Variants in RBP5 observed in about 807,000 individuals in gnomAD.
RBP5 encodes retinol binding protein 5, also known as retinol-binding protein 5.
RBP5 carries 12 observed loss-of-function variants against 17.8 expected under a neutral mutation model. That is an observed-to-expected ratio of 0.67 (90% CI 0.43 to 1.09). The LOEUF is 1.09. Ranked by LOEUF, RBP5 falls within the 50% of genes least tolerant of loss-of-function variation. The pLI is 0.00. For missense variants in RBP5, 172 were observed against 169.4 expected, an observed-to-expected ratio of 1.02 and a Z score of -0.09; for synonymous variants, 64 against 68.1, an observed-to-expected ratio of 0.94 and a Z score of 0.30.
chr12:7,121,263 A>G (rs1366381620), downstream of RBP5, among the ~76,000 whole-genome samples: 1 of 152,060 alleles, frequency 6.6e-6, no homozygotes, highest in East Asian at 1.9e-4. Flanking sequence ...AGGGAGTGAC[A>G]TTAGGGTGGG....
rs1280796558 is a variant in RBP5 at position 7,117,962 on chromosome 12, A to G, written n.890-655T>C. ...GCCAATAGCAGGGTGCGTCTGTTAC[A>G]TACTGGACTATCCCTTCCTTCAATA... On this transcript the variant is annotated intron_variant and non_coding_transcript_variant, in intron 3 of 3. Coordinates refer to the RBP5 transcript ENST00000619522. The surrounding 1 kb of genome is among the most constrained non-coding windows in gnomAD (Gnocchi z 4.9). The G allele has an allele frequency of 9.2e-5, 14 of 152,232 alleles. No individual in the cohort carries two copies. Among genetic ancestry groups the G allele is most frequent in the Non-Finnish European group, 2.1e-4 (14 of 68,048 alleles). 9.4% of individuals were successfully genotyped at this position (152,232 alleles called of 1,614,324 possible). A position where few individuals can be genotyped will look rare whatever the true frequency, so the allele number is the denominator to read the frequency against.
rs1474244765 is a variant in RBP5 at position 7,117,799 on chromosome 12, A to G, written n.890-492T>C. 6.6e-6 allele frequency: 1 copy of G among 152,200 alleles called. No homozygotes were observed. Among genetic ancestry groups the G allele is most frequent in the African/African-American group, 2.4e-5 (1 of 41,448 alleles). The allele number at this position is 152,200 out of a possible 1,614,324, so 9.4% of individuals were successfully genotyped here. ...GGTCTCCATCAGCAGATTGCCCAAC[A>G]GAACAAGTTCAGAGCCCAGAGATCC... On this transcript the variant is annotated intron_variant and non_coding_transcript_variant, in intron 3 of 3. Coordinates refer to the RBP5 transcript ENST00000619522. The surrounding 1 kb of genome is among the most constrained non-coding windows in gnomAD (Gnocchi z 4.9).
Position 7,117,592 on chromosome 12 carries a change from A to T in RBP5, n.890-285T>A, listed in dbSNP as rs748157654. The T allele has an allele frequency of 6.6e-6, 1 of 152,128 alleles. No homozygotes were observed. The highest frequency in any genetic ancestry group is 2.4e-5 in the African/African-American group (1 of 41,418). 9.4% of individuals were successfully genotyped at this position (152,128 alleles called of 1,614,324 possible). On this transcript the variant is annotated intron_variant and non_coding_transcript_variant, in intron 3 of 3. Transcript: ENST00000619522. This position sits in a 1 kb window ranked among gnomAD's most constrained non-coding sequence, Gnocchi z 4.9. ...AGAGCAGGACTGGACAGATGAAAGC[A>T]TGGCTTACAGGAGGCCAACACAATA...
rs1182262467 is a variant in RBP5, at chr12:7,124,611, AGCC to A, written c.354+15_354+17del. ...CTGGAGGCCCTTCTCCCAGACACCC[AGCC>A]CCCACCCCATTTACCAGATACAGCA... is the stretch of plus-strand genomic sequence containing the variant. On this transcript the variant is annotated intron_variant, in intron 3 of 3. Transcript: ENST00000266560. This position sits in a 1 kb window ranked among gnomAD's most constrained non-coding sequence, Gnocchi z 5.3. 1 of 1,116,306 alleles carries A rather than the reference AGCC, an allele frequency of 9.0e-7. No individual in the cohort carries two copies. The highest frequency in any genetic ancestry group is 1.2e-5 in the South Asian group (1 of 80,330). The allele number at this position is 1,116,306 out of a possible 1,614,324, so 69.2% of individuals were successfully genotyped here.
intron 2 of RBP5, chr12:7,127,740 G>A (rs926793790): frequency 4.1e-5 from 29 of 702,106 alleles, no homozygotes; most frequent in Non-Finnish European, 7.3e-5. Flanking sequence ...AGGCATGGGT[G>A]TAGATGATTT....
upstream of RBP5, chr12:7,128,911 CTTTTTA>C: frequency 1.4e-6 from 1 of 739,220 alleles, no homozygotes. This position sits in a 1 kb window ranked among gnomAD's most constrained non-coding sequence, Gnocchi z 5.3. Flanking sequence ...GTTACCAGGG[CTTTTTA>C]TAAGGCTGGG....
chr12:7,127,512 G>C lies in RBP5; in HGVS notation c.252+728C>G, dbSNP rs1008456573. 5 of 614,616 alleles carry C rather than the reference G, an allele frequency of 8.1e-6. No individual in the cohort carries two copies. The Admixed American group carries it at 1.1e-4, about 13-fold the overall frequency. 38.1% of individuals were successfully genotyped at this position (614,616 alleles called of 1,614,324 possible). On this transcript the variant is annotated intron_variant, in intron 2 of 3. Coordinates refer to ENST00000266560, the MANE Select transcript of RBP5 (RefSeq NM_031491.4). ...ATGCTCTGTAAATAGTTGCTATACT[G>C]TATTGTTTTTTATTTGTATCATTTT...
rs772312777 is a variant in RBP5 at position 7,125,713 on chromosome 12, G to A, written c.253-983C>T. ...AAGGAAAGAAACAGCTAGAAATAGC[G>A]GTAAAAGAGAAAGGCAATTAGTTCT... is the stretch of plus-strand genomic sequence containing the variant. On this transcript the variant is annotated intron_variant, in intron 2 of 3. Coordinates refer to ENST00000266560, the MANE Select transcript of RBP5 (RefSeq NM_031491.4). Among the ~76,000 whole-genome samples, 10 of 152,272 alleles carry A rather than the reference G, an allele frequency of 6.6e-5. No individual in the cohort carries two copies. In the East Asian group the frequency reaches 1.3e-3, roughly 21 times the overall value.
chr12:7,122,494 A>C (rs1045716265), downstream of RBP5: 34 of 152,192 alleles, frequency 2.2e-4, no homozygotes, highest in African/African-American at 8.2e-4. Flanking sequence ...TTTGGGGGAA[A>C]AATAAAAATA....
At chr12:7,127,224 C>T (rs763550127) in intron 2 of RBP5, among the ~76,000 whole-genome samples, 1 of 152,206 alleles carries the variant, frequency 6.6e-6, no homozygotes, top group South Asian at 2.1e-4. Context: ...GAACTCTTGA[C>T]CTCAGGTGAT....
chr12:7,126,507 GGTGGTGTGTGTGTGTGT>G (rs1161477425), intron 2 of RBP5, among the ~76,000 whole-genome samples: 8 of 29,812 alleles, frequency 2.7e-4, no homozygotes, highest in African/African-American at 1.2e-3. Flanking sequence ...TGGTGGTGGT[GGTGGTGTGTGTGTGTGT>G]GTGTGTGTGT....
chr12:7,124,422 C>T lies in RBP5; in HGVS notation c.354+207G>A, dbSNP rs1045206550. On this transcript the variant is annotated intron_variant, in intron 3 of 3. Transcript: ENST00000266560. The surrounding 1 kb of genome is among the most constrained non-coding windows in gnomAD (Gnocchi z 5.3). ...CAGTGATGATTTATGGGCATTCATC[C>T]GACTCGTAGCCAGGGCCCACCTTGG... Among the ~76,000 whole-genome samples, 6 of 152,136 alleles carry T rather than the reference C, an allele frequency of 3.9e-5. No individual in the cohort carries two copies. The highest frequency in any genetic ancestry group is 7.4e-5 in the Non-Finnish European group (5 of 68,018).
rs915595608 is a variant in RBP5 at position 7,124,818 on chromosome 12, A to C, written c.253-88T>G. On this transcript the variant is annotated intron_variant, in intron 2 of 3. Transcript: ENST00000266560. This position sits in a 1 kb window ranked among gnomAD's most constrained non-coding sequence, Gnocchi z 5.3. ...TCACTCTGAATGGGCTCCCCCTTTT[A>C]CTCCACAGCAGATACTGTCTGCTGC... 2.6e-6 allele frequency: 2 copies of C among 763,262 alleles called. No homozygotes were observed. The highest frequency in any genetic ancestry group is 2.3e-6 in the Non-Finnish European group (1 of 426,632). The allele number at this position is 763,262 out of a possible 1,614,324, so 47.3% of individuals were successfully genotyped here. A position where few individuals can be genotyped will look rare whatever the true frequency, so the allele number is the denominator to read the frequency against.
downstream of RBP5, chr12:7,121,871 T>A (rs1425928564): frequency 1.3e-5 from 2 of 154,902 alleles, no homozygotes; most frequent in African/African-American, 4.8e-5. Flanking sequence ...TTTAAGACTC[T>A]GGCCAACCAA....
In RBP5 at chr12:7,128,659, G is replaced by T. The variant is rs769708269; in HGVS notation, c.73+44C>A. On this transcript the variant is annotated intron_variant, in intron 1 of 3. Transcript: ENST00000266560. This position sits in a 1 kb window ranked among gnomAD's most constrained non-coding sequence, Gnocchi z 5.3. ...GGGACCAAGAAGCAGGAAGGAAGAG[G>T]GGAGAAAGGGAGTGACAGGGGTCTG... is the stretch of plus-strand genomic sequence containing the variant. The T allele has an allele frequency of 6.7e-7, 1 of 1,483,744 alleles. No individual in the cohort carries two copies. The highest frequency in any genetic ancestry group is 1.2e-5 in the South Asian group (1 of 83,480). 91.9% of individuals were successfully genotyped at this position (1,483,744 alleles called of 1,614,324 possible).
At position 7,124,877 on chromosome 12, in the gene RBP5, T is replaced by C. The variant is rs1591608422; in HGVS notation, c.253-147A>G. 3 of 557,994 alleles carry C rather than the reference T, an allele frequency of 5.4e-6. No individual in the cohort carries two copies. The East Asian group carries it at 8.9e-5, about 17-fold the overall frequency. The allele number at this position is 557,994 out of a possible 1,614,324, so 34.6% of individuals were successfully genotyped here. A position where few individuals can be genotyped will look rare whatever the true frequency, so the allele number is the denominator to read the frequency against. ...CACTGAGCGAGGGAGCTGCTCTGAT[T>C]CAGCAGGACTCCCTTTCCACCCTAC... is the stretch of plus-strand genomic sequence containing the variant. On this transcript the variant is annotated intron_variant, in intron 2 of 3. Coordinates refer to ENST00000266560, the MANE Select transcript of RBP5 (RefSeq NM_031491.4). This position sits in a 1 kb window ranked among gnomAD's most constrained non-coding sequence, Gnocchi z 5.3.
At chr12:7,116,687 G>A (rs1939009424) in exon 4 of RBP5, 2 of 152,200 alleles carry the variant, frequency 1.3e-5, no homozygotes, top group Admixed American at 1.3e-4. Flanking sequence ...CTCGTGGAAG[G>A]GTCTAGCTTA....
chr12:7,125,571 A>T (rs1939146870), intron 2 of RBP5, among the ~76,000 whole-genome samples: 1 of 152,228 alleles, frequency 6.6e-6, no homozygotes. Context: ...ATAGAGGATC[A>T]GTAAATAGGT....
At chr12:7,126,916 C>T (rs1054706801) in intron 2 of RBP5, among the ~76,000 whole-genome samples, 3 of 152,234 alleles carry the variant, frequency 2.0e-5, no homozygotes, top group Admixed American at 6.5e-5. Context: ...AGTAATTCTC[C>T]TGCCTCAGCC....
Sources: gnomAD v4.1 joint callset for allele counts (sites outside exome capture counted in the v4.1 genomes callset) on GRCh38, gnomAD v4.1.1 for gene constraint, Gnocchi (gnomAD v3.1) non-coding constraint, MANE v1.5 for transcripts, NCBI Gene and HGNC (gene_info 2026-07-23, HGNC 2026-07-21) for gene names.